The following ZNF398 variants were observed in gnomAD, a reference collection of about 807,000 sequenced individuals.
ZNF398 encodes zinc finger DNA binding protein ZER6.
A neutral mutation model predicts 41.9 loss-of-function variants in ZNF398; 18 were observed. The ratio of observed to expected loss-of-function variants is 0.43; its 90% CI spans 0.30 to 0.64. The LOEUF is 0.64. Among genes scored for constraint, ZNF398 ranks in the 30% least tolerant of loss-of-function variants. The pLI, the probability that ZNF398 is intolerant of heterozygous loss-of-function variation, is 0.14. For missense variants in ZNF398, 669 were observed against 822.8 expected (o/e 0.81, Z 2.29); for synonymous variants, 260 against 308.8 (o/e 0.84, Z 1.66).
At chr7:149,137,616 G>C (rs1208700172) in intron 2 of ZNF398, among the ~76,000 whole-genome samples, 1 of 151,916 alleles carries the variant, frequency 6.6e-6, no homozygotes, top group Non-Finnish European at 1.5e-5. Flanking sequence ...TCCTGACCTC[G>C]TGATCCACCT....
chr7:149,133,676 T>TAC (rs1173957011), intron 2 of ZNF398, among the ~76,000 whole-genome samples: 5 of 42,790 alleles, frequency 1.2e-4, no homozygotes, highest in African/African-American at 3.4e-4. Flanking sequence ...TATATATATA[T>TAC]ATACATATAT....
intron 2 of ZNF398, among the ~76,000 whole-genome samples, chr7:149,136,984 A>C (rs1214319659): frequency 1.3e-5 from 2 of 150,872 alleles, no homozygotes; most frequent in Non-Finnish European, 2.9e-5. Context: ...CTCTTGCCTC[A>C]GCCTCCCAAG....
intron 2 of ZNF398, among the ~76,000 whole-genome samples, chr7:149,130,662 G>C (rs1468537992): frequency 6.6e-6 from 1 of 152,192 alleles, no homozygotes; most frequent in Non-Finnish European, 1.5e-5. Flanking sequence ...AAAACCGTTA[G>C]ACATTCTAAT....
chr7:149,167,803 GGGT>G (rs1301205885), intron 4 of ZNF398, among the ~76,000 whole-genome samples: 4 of 151,736 alleles, frequency 2.6e-5, no homozygotes, highest in Non-Finnish European at 4.4e-5. Context: ...AGTAGAGATG[GGGT>G]TTCACCATGT....
At chr7:149,138,720 T>A (rs190525412) in intron 2 of ZNF398, among the ~76,000 whole-genome samples, 26 of 152,176 alleles carry the variant, frequency 1.7e-4, no homozygotes, top group African/African-American at 6.0e-4. Context: ...ATGCTTCGAG[T>A]GATTGTCTCT....
chr7:149,173,093 ATTTTTTTTTTTTTT>A (rs71192762), intron 4 of ZNF398, among the ~76,000 whole-genome samples: 4 of 64,958 alleles, frequency 6.2e-5, no homozygotes, highest in South Asian at 7.8e-4. Context: ...GGCAATTTCT[ATTTTTTTTTTTTTT>A]TTTTTTTTTT....
chr7:149,138,649 TTGTG>T (rs71192758), intron 2 of ZNF398, among the ~76,000 whole-genome samples: 11,513 of 152,096 alleles, frequency 0.076, 441 homozygotes, highest in Middle Eastern at 0.092. Flanking sequence ...TAAATAAATA[TTGTG>T]TGTGTGTATA....
chr7:149,175,570 T>C (rs1795443845), intron 4 of ZNF398, among the ~76,000 whole-genome samples: 1 of 152,204 alleles, frequency 6.6e-6, no homozygotes, highest in South Asian at 2.1e-4. Flanking sequence ...AAAGATAATA[T>C]ATCTCATAGA....
chr7:149,146,783 G>C (rs1826953195), upstream of ZNF398, among the ~76,000 whole-genome samples: 2 of 151,874 alleles, frequency 1.3e-5, no homozygotes, highest in Admixed American at 6.6e-5. Flanking sequence ...CCGGAAGGCG[G>C]TTGCAGTGAG....
chr7:149,147,683 G>A lies in ZNF398; in HGVS notation c.-60G>A, dbSNP rs1319310722. 11 of 1,273,450 alleles carry A rather than the reference G, an allele frequency of 8.6e-6. No homozygotes were observed. Among genetic ancestry groups the A allele is most frequent in the Non-Finnish European group, 1.1e-5 (11 of 1,012,564 alleles). 78.9% of individuals were successfully genotyped at this position (1,273,450 alleles called of 1,614,324 possible). ...CGGCCGGGCCTGCTTGGAGCCGGGC[G>A]CGGTGGCAGCGGCGGCAGCGGCGGC... is the stretch of plus-strand genomic sequence containing the variant. On this transcript the variant is annotated 5_prime_UTR_variant, in exon 1 of 6. Coordinates refer to ENST00000475153, the MANE Select transcript of ZNF398 (RefSeq NM_170686.3). This position sits in a 1 kb window ranked among gnomAD's most constrained non-coding sequence, Gnocchi z 5.6.
intron 2 of ZNF398, among the ~76,000 whole-genome samples, chr7:149,138,716 C>A (rs184378567): frequency 1.8e-4 from 28 of 152,086 alleles, no homozygotes; most frequent in African/African-American, 6.8e-4. Flanking sequence ...CAAAATGCTT[C>A]GAGTGATTGT....
intron 1 of ZNF398, chr7:149,148,299 C>A: frequency 3.9e-6 from 1 of 259,140 alleles, no homozygotes; most frequent in Non-Finnish European, 6.0e-6. Context: ...GACCCGGAGG[C>A]TGGAGTGGCC....
intron 1 of ZNF398, chr7:149,151,112 G>A (rs867290115): frequency 2.0e-6 from 1 of 503,234 alleles, no homozygotes; most frequent in Non-Finnish European, 2.7e-6. Context: ...AATGGGACAA[G>A]CGGCATGGAG....
At chr7:149,154,627 A>C (rs2129520389) in intron 2 of ZNF398, among the ~76,000 whole-genome samples, 1 of 152,042 alleles carries the variant, frequency 6.6e-6, no homozygotes, top group South Asian at 2.1e-4. Flanking sequence ...CCTACCCATT[A>C]CCCATGAGCC....
rs369045000 is a variant in ZNF398, at chr7:149,172,029, A to G, written c.662-4439A>G. On this transcript the variant is annotated intron_variant, in intron 4 of 5. Transcript: ENST00000475153. ...GCATGACTCCATGTGTCTTGCTCAA[A>G]ACTGTCCTTATATTCAGCACAAATA... 1.2e-3 allele frequency among the ~76,000 whole-genome samples: 190 copies of G among 152,254 alleles called. 3 individuals are homozygous for G. The South Asian group carries it at 0.025, about 20-fold the overall frequency.
In ZNF398 at chr7:149,179,363, C is replaced by T. The variant is rs762557586; in HGVS notation, c.1491C>T (p.Ala497=). The T allele has an allele frequency of 8.1e-6, 13 of 1,611,900 alleles. No individual in the cohort carries two copies. In the South Asian group the frequency reaches 1.4e-4, roughly 18 times the overall value. The change falls in exon 6 of 6, where the codon GCC becomes GCT. Residue 497 remains alanine, a synonymous_variant. Transcript: ENST00000475153. The surrounding 1 kb of genome is among the most constrained non-coding windows in gnomAD (Gnocchi z 6.1). ...GCATTGACTTCAACGGCCACTCGGC[C>T]CTGATCCGCCACCAGATGATCCACA... ...QCGIDFNGHS[A]LIRHQMIHTG... is the part of the protein sequence containing the mutation.
intron 2 of ZNF398, among the ~76,000 whole-genome samples, chr7:149,158,852 A>T (rs1042120436): frequency 4.6e-5 from 7 of 151,920 alleles, no homozygotes; most frequent in African/African-American, 1.7e-4. Context: ...AAAAAAAGAA[A>T]ATTAGTATTT....
At chr7:149,153,853 T>C in intron 1 of ZNF398, 92 bp from the exon 2 acceptor site, 2 of 1,404,562 alleles carry the variant, frequency 1.4e-6, no homozygotes, top group Non-Finnish European at 1.9e-6. Flanking sequence ...TAATCTCTGC[T>C]GGACAGTTAA....
At chr7:149,152,204 ACT>A (rs1189229888) in intron 1 of ZNF398, among the ~76,000 whole-genome samples, 1 of 150,838 alleles carries the variant, frequency 6.6e-6, no homozygotes, top group Non-Finnish European at 1.5e-5. Context: ...ACAGAGCGAG[ACT>A]CTGTCTCAAG....
Sources: gnomAD v4.1 joint callset for allele counts (sites outside exome capture counted in the v4.1 genomes callset) on GRCh38, gnomAD v4.1.1 for gene constraint, Gnocchi (gnomAD v3.1) non-coding constraint, MANE v1.5 for transcripts, NCBI Gene and HGNC (gene_info 2026-07-23, HGNC 2026-07-21) for gene names.